The following SRD5A3 variants were observed in gnomAD, a reference collection of about 807,000 sequenced individuals.
SRD5A3 encodes the protein steroid 5 alpha-reductase 3, also known as polyprenal reductase.
SRD5A3 carries 24 observed loss-of-function variants against 34.3 expected under a neutral mutation model. That is an observed-to-expected ratio of 0.70 (90% CI 0.51 to 0.99). The LOEUF (loss-of-function observed/expected upper bound fraction) is 0.99, where lower values mean the gene tolerates loss of function less well. SRD5A3 is among the 50% of genes least tolerant of loss of function. The probability of loss-of-function intolerance (pLI) is 0.00; values close to 1 mark genes in which losing one functional copy is unlikely to be tolerated. For synonymous variants in SRD5A3, 161 were observed against 167.3 expected, an observed-to-expected ratio of 0.96 and a Z score of 0.29; for missense variants, 350 against 388.2, an observed-to-expected ratio of 0.90 and a Z score of 0.83.
intron 2 of SRD5A3, 27 bp from the exon 3 acceptor site, chr4:55,364,047 C>A (rs1719783539): frequency 6.2e-7 from 1 of 1,611,856 alleles, no homozygotes; most frequent in Non-Finnish European, 8.5e-7. Flanking sequence ...AAGAGAAATG[C>A]TGACCCTGTT....
intron 2 of SRD5A3, among the ~76,000 whole-genome samples, chr4:55,361,750 G>A (rs1298380855): frequency 6.6e-6 from 1 of 152,056 alleles, no homozygotes; most frequent in Non-Finnish European, 1.5e-5. Context: ...GTTGCAGTAA[G>A]CTGAGATCAT....
chr4:55,348,641 A>G (rs1578200090), intron 1 of SRD5A3, among the ~76,000 whole-genome samples: 1 of 152,240 alleles, frequency 6.6e-6, no homozygotes, highest in East Asian at 1.9e-4. Flanking sequence ...ATATATGATT[A>G]TGTGATGACT....
intron 1 of SRD5A3, among the ~76,000 whole-genome samples, chr4:55,353,997 A>T (rs1441717558): frequency 1.3e-5 from 2 of 152,222 alleles, no homozygotes; most frequent in East Asian, 3.8e-4. Context: ...AGCATTTAGC[A>T]CAGGGCCAGG....
chr4:55,353,867 G>C (rs184712732), intron 1 of SRD5A3, among the ~76,000 whole-genome samples: 3 of 152,150 alleles, frequency 2.0e-5, no homozygotes, highest in Admixed American at 6.6e-5. Context: ...TTTAAGAACC[G>C]TAACACTCAC....
intron 1 of SRD5A3, among the ~76,000 whole-genome samples, chr4:55,349,925 C>T (rs573743936): frequency 5.9e-5 from 9 of 152,220 alleles, no homozygotes; most frequent in Non-Finnish European, 7.4e-5. Flanking sequence ...CTACAAACTA[C>T]GGTAGAATTA....
chr4:55,361,953 A>G (rs532824674), intron 2 of SRD5A3, among the ~76,000 whole-genome samples: 1 of 152,256 alleles, frequency 6.6e-6, no homozygotes, highest in East Asian at 1.9e-4. Flanking sequence ...TTGTGAGGAT[A>G]TGAGGAATTC....
chr4:55,359,541 G>A, intron 2 of SRD5A3, 53 bp downstream of exon 2: 1 of 1,611,352 alleles, frequency 6.2e-7, no homozygotes, highest in Non-Finnish European at 8.5e-7. Context: ...TGTTGTTCCT[G>A]TCTGCAAGGG....
At chr4:55,360,728 G>T (rs1719652657) in intron 2 of SRD5A3, among the ~76,000 whole-genome samples, 5 of 130,458 alleles carry the variant, frequency 3.8e-5, no homozygotes, top group South Asian at 2.8e-4. Flanking sequence ...CGCTCTTATT[G>T]CCCGGGCTGG....
intron 1 of SRD5A3, among the ~76,000 whole-genome samples, chr4:55,355,457 GAA>G (rs558288385): frequency 3.1e-5 from 4 of 127,308 alleles, no homozygotes; most frequent in African/African-American, 2.9e-5. Flanking sequence ...GACTCCGTCT[GAA>G]AAAAAAAAAA....
At chr4:55,369,575 C>CA (rs1560374560) in intron 4 of SRD5A3, 2 of 493,400 alleles carry the variant, frequency 4.1e-6, no homozygotes, top group East Asian at 7.6e-5. Flanking sequence ...ACAAAAAATT[C>CA]AAAAAATGAG....
rs1431859989 is a variant in SRD5A3 at position 55,372,789 on chromosome 4, C to T, written c.*2698C>T. The T allele has an allele frequency of 6.6e-6, 1 of 152,156 alleles. No individual in the cohort carries two copies. The highest frequency in any genetic ancestry group is 2.4e-5 in the African/African-American group (1 of 41,454). 9.4% of individuals were successfully genotyped at this position (152,156 alleles called of 1,614,324 possible). A position where few individuals can be genotyped will look rare whatever the true frequency, so the allele number is the denominator to read the frequency against. ...CAGCCTTCCCTTGATTAACTACTGA[C>T]TAAAAGTGTGCTGAAAATGGCCTTT... On this transcript the variant is annotated 3_prime_UTR_variant, in exon 5 of 5. Coordinates refer to ENST00000264228, the MANE Select transcript of SRD5A3 (RefSeq NM_024592.5).
In SRD5A3 at chr4:55,370,102, GT is replaced by G. The variant is rs748291303; in HGVS notation, c.*12del. 2 of 1,612,550 alleles carry G rather than the reference GT, an allele frequency of 1.2e-6. No individual in the cohort carries two copies. The highest frequency in any genetic ancestry group is 8.5e-7 in the Non-Finnish European group (1 of 1,180,004). ...CCATTTTTGTTTTAAGTTAACCTCA[GT>G]CATGAAGAATGCAAACCAGGTGATG... On this transcript the variant is annotated 3_prime_UTR_variant, in exon 5 of 5. Coordinates refer to ENST00000264228, the MANE Select transcript of SRD5A3 (RefSeq NM_024592.5).
chr4:55,369,556 C>A, intron 4 of SRD5A3: 2 of 449,902 alleles, frequency 4.4e-6, no homozygotes, highest in Non-Finnish European at 8.1e-6. Context: ...ATAGGCAGAC[C>A]CTGTCTCTAC....
chr4:55,358,557 A>C (rs2109472596), intron 1 of SRD5A3, among the ~76,000 whole-genome samples: 1 of 141,558 alleles, frequency 7.1e-6, no homozygotes, highest in South Asian at 2.4e-4. Flanking sequence ...AAAAAAAAAA[A>C]GAAGAAGAAG....
chr4:55,360,352 C>T (rs1218056826), intron 2 of SRD5A3, among the ~76,000 whole-genome samples: 1 of 150,872 alleles, frequency 6.6e-6, no homozygotes, highest in Non-Finnish European at 1.5e-5. Flanking sequence ...ACTAAAAATA[C>T]AAAAATAGCT....
rs1405338290 is a variant in SRD5A3 at position 55,372,274 on chromosome 4, G to A, written c.*2183G>A. The A allele has an allele frequency of 1.3e-5, 2 of 152,102 alleles. No individual in the cohort carries two copies. The highest frequency in any genetic ancestry group is 6.6e-5 in the Admixed American group (1 of 15,266). The allele number at this position is 152,102 out of a possible 1,614,324, so 9.4% of individuals were successfully genotyped here. On this transcript the variant is annotated 3_prime_UTR_variant, in exon 5 of 5. Coordinates refer to ENST00000264228, the MANE Select transcript of SRD5A3 (RefSeq NM_024592.5). ...GACTAGAGATTTGGCTGATGTTCTG[G>A]AATCTCATTGTACTCTTAAGTAAAA...
At chr4:55,350,172 C>G (rs1402245888) in intron 1 of SRD5A3, among the ~76,000 whole-genome samples, 3 of 151,962 alleles carry the variant, frequency 2.0e-5, no homozygotes, top group Admixed American at 2.0e-4. Flanking sequence ...GAGTTGGAGA[C>G]CAGCCTGGCC....
At chr4:55,362,117 G>C (rs528998588) in intron 2 of SRD5A3, among the ~76,000 whole-genome samples, 4 of 151,608 alleles carry the variant, frequency 2.6e-5, no homozygotes, top group South Asian at 2.1e-4. Flanking sequence ...GGTGCTGTTC[G>C]TGTTCTGTTT....
intron 1 of SRD5A3, chr4:55,351,701 A>G: frequency 2.6e-6 from 1 of 384,578 alleles, no homozygotes; most frequent in South Asian, 2.1e-5. Context: ...CTCAGCTCAT[A>G]ATAGAGCAAA....
Sources: allele counts gnomAD v4.1 joint callset (sites outside exome capture counted in the v4.1 genomes callset), GRCh38; gene constraint gnomAD v4.1.1; transcripts MANE v1.5; gene names NCBI Gene and HGNC (gene_info 2026-07-23, HGNC 2026-07-21).